SAMD4A: variants seen among roughly 807,000 people sequenced by gnomAD.
SAMD4A encodes the protein sterile alpha motif domain containing 4A.
Under a neutral mutation model 81.3 loss-of-function variants are expected in SAMD4A, and 33 were observed. The ratio of observed to expected loss-of-function variants is 0.41; its 90% CI spans 0.31 to 0.54. The LOEUF (loss-of-function observed/expected upper bound fraction) is 0.54, where lower values mean the gene tolerates loss of function less well. SAMD4A is among the 20% of genes least tolerant of loss of function. The pLI, the probability that SAMD4A is intolerant of heterozygous loss-of-function variation, is 0.37. For synonymous variants in SAMD4A, 389 were observed against 382.1 expected, an observed-to-expected ratio of 1.02 and a Z score of -0.21; for missense variants, 854 against 951.1, an observed-to-expected ratio of 0.90 and a Z score of 1.34.
intron 3 of SAMD4A, among the ~76,000 whole-genome samples, chr14:54,712,598 G>A (rs193030498): frequency 7.2e-5 from 11 of 152,252 alleles, no homozygotes; most frequent in Admixed American, 2.6e-4. Flanking sequence ...GGTTTTTACC[G>A]GACTGTGTTT....
chr14:54,759,439 A>G (rs558625707), intron 6 of SAMD4A, among the ~76,000 whole-genome samples: 11 of 152,194 alleles, frequency 7.2e-5, no homozygotes, highest in African/African-American at 2.6e-4. Flanking sequence ...GCCCACGCTC[A>G]TTTGGGTCCC....
intron 2 of SAMD4A, among the ~76,000 whole-genome samples, chr14:54,666,328 G>T (rs1446740743): frequency 2.0e-5 from 3 of 152,154 alleles, no homozygotes; most frequent in Non-Finnish European, 2.9e-5. Flanking sequence ...CCATATTAGG[G>T]CAGGCTTAGT....
At chr14:54,584,367 A>G (rs1052353340) in intron 2 of SAMD4A, among the ~76,000 whole-genome samples, 1 of 152,204 alleles carries the variant, frequency 6.6e-6, no homozygotes, top group African/African-American at 2.4e-5. Flanking sequence ...GAGGCATAAA[A>G]CATCAGCGTC....
intron 3 of SAMD4A, among the ~76,000 whole-genome samples, chr14:54,705,197 G>A (rs1206896956): frequency 6.9e-6 from 1 of 144,352 alleles, no homozygotes; most frequent in East Asian, 2.0e-4. Context: ...ATGAATAAAT[G>A]AAAGAAACTG....
chr14:54,735,251 T>A (rs1483404246), intron 3 of SAMD4A: 1 of 149,674 alleles, frequency 6.7e-6, no homozygotes, highest in Non-Finnish European at 1.5e-5. Context: ...CCACTTTTCC[T>A]CTTGCTAATT....
intron 3 of SAMD4A, among the ~76,000 whole-genome samples, chr14:54,726,155 T>G (rs778911425): frequency 4.6e-5 from 7 of 152,030 alleles, no homozygotes; most frequent in Non-Finnish European, 7.4e-5. Flanking sequence ...TAAAAGAAAA[T>G]GTGCCTGGAG....
At chr14:54,768,370 T>C (rs149726026) in intron 8 of SAMD4A, among the ~76,000 whole-genome samples, 55 of 152,332 alleles carry the variant, frequency 3.6e-4, no homozygotes, top group African/African-American at 1.1e-3. Context: ...TGTTATTTCA[T>C]TCTCACAACA....
At chr14:54,772,806 C>T (rs990851786) in intron 9 of SAMD4A, among the ~76,000 whole-genome samples, 92 of 149,642 alleles carry the variant, frequency 6.1e-4, no homozygotes, top group African/African-American at 2.1e-3. Context: ...GACTAGTTTT[C>T]GTCATTAAAA....
At chr14:54,574,725 T>C (rs1235596267) in intron 2 of SAMD4A, among the ~76,000 whole-genome samples, 2 of 152,254 alleles carry the variant, frequency 1.3e-5, no homozygotes, top group African/African-American at 4.8e-5. Context: ...TAGGATATTT[T>C]TGTAGGATGC....
chr14:54,702,703 A>G, intron 3 of SAMD4A, 123 bp downstream of exon 3: 2 of 1,210,990 alleles, frequency 1.7e-6, no homozygotes, highest in South Asian at 2.8e-5. Context: ...ACTGATTGGA[A>G]TTGGCTGTGG....
chr14:54,632,599 A>G (rs1246270395), intron 2 of SAMD4A, among the ~76,000 whole-genome samples: 1 of 152,080 alleles, frequency 6.6e-6, no homozygotes, highest in Admixed American at 6.6e-5. Context: ...ACTTAACAGC[A>G]TGTCTTGATG....
chr14:54,603,950 G>C (rs1017739783), intron 2 of SAMD4A, among the ~76,000 whole-genome samples: 1 of 151,944 alleles, frequency 6.6e-6, no homozygotes, highest in African/African-American at 2.4e-5. Flanking sequence ...TCAGCCTCCC[G>C]AGTAGCTGGG....
chr14:54,654,236 G>C (rs1002674010), intron 2 of SAMD4A, among the ~76,000 whole-genome samples: 2 of 152,138 alleles, frequency 1.3e-5, no homozygotes, highest in Non-Finnish European at 2.9e-5. Flanking sequence ...TTAAAGCTGT[G>C]TCCTGAACTC....
intron 3 of SAMD4A, among the ~76,000 whole-genome samples, chr14:54,713,467 G>T (rs61976988): frequency 0.058 from 8,776 of 152,228 alleles, 343 homozygotes; most frequent in Non-Finnish European, 0.081. Context: ...TCTGGAAAAT[G>T]CTATAAAGGA....
At chr14:54,651,564 G>T (rs1455890049) in intron 2 of SAMD4A, among the ~76,000 whole-genome samples, 5 of 152,132 alleles carry the variant, frequency 3.3e-5, no homozygotes, top group Admixed American at 6.5e-5. Context: ...ACATATTAAA[G>T]AGTTAATTCA....
intron 9 of SAMD4A, among the ~76,000 whole-genome samples, chr14:54,771,376 A>T (rs527668622): frequency 6.6e-6 from 1 of 152,330 alleles, no homozygotes; most frequent in Non-Finnish European, 1.5e-5. Context: ...AGGCAGCAGC[A>T]TTGGGGATTT....
intron 2 of SAMD4A, among the ~76,000 whole-genome samples, chr14:54,576,646 G>C (rs2794262): frequency 0.74 from 112,043 of 152,164 alleles, 42,552 homozygotes; most frequent in Non-Finnish European, 0.84. Flanking sequence ...AGTGGGAAAG[G>C]GGGGAGATAG....
chr14:54,781,139 C>T (rs942012062), intron 11 of SAMD4A, among the ~76,000 whole-genome samples: 12 of 152,308 alleles, frequency 7.9e-5, no homozygotes, highest in Middle Eastern at 3.4e-3. Flanking sequence ...GAGTTGCCTC[C>T]GCTGTCATTG....
At chr14:54,621,670 A>T (rs906329951) in intron 2 of SAMD4A, among the ~76,000 whole-genome samples, 4 of 152,130 alleles carry the variant, frequency 2.6e-5, no homozygotes, top group Non-Finnish European at 5.9e-5. Context: ...CTCAAAACGC[A>T]TTTTTGATGT....
Sources: allele counts gnomAD v4.1 joint callset (sites outside exome capture counted in the v4.1 genomes callset), GRCh38; gene constraint gnomAD v4.1.1; transcripts MANE v1.5; gene names NCBI Gene and HGNC (gene_info 2026-07-23, HGNC 2026-07-21).